Variants in CAMK2A observed in about 807,000 individuals in gnomAD.
CAMK2A encodes calcium/calmodulin-dependent protein kinase type II subunit alpha.
Under a neutral mutation model 79.2 loss-of-function variants are expected in CAMK2A, and 7 were observed. The observed-to-expected ratio is 0.09, with a 90% CI of 0.05 to 0.17. The LOEUF (loss-of-function observed/expected upper bound fraction) is 0.17, where lower values mean the gene tolerates loss of function less well. Ranked by LOEUF, CAMK2A falls within the 10% of genes least tolerant of loss-of-function variation. The pLI, the probability that CAMK2A is intolerant of heterozygous loss-of-function variation, is 1.00. For missense variants in CAMK2A, 214 were observed against 646.4 expected (o/e 0.33, Z 7.25); for synonymous variants, 242 against 251.7 (o/e 0.96, Z 0.36).
intron 1 of CAMK2A, among the ~76,000 whole-genome samples, chr5:150,276,525 G>T (rs568164769): frequency 3.2e-4 from 48 of 152,304 alleles, no homozygotes; most frequent in Non-Finnish European, 5.6e-4. Flanking sequence ...TCTCAAAGGT[G>T]CCCACCCTAC....
At chr5:150,268,496 G>A (rs951085366) in intron 2 of CAMK2A, among the ~76,000 whole-genome samples, 8 of 152,180 alleles carry the variant, frequency 5.3e-5, no homozygotes, top group South Asian at 4.2e-4. Context: ...GCCACATCAC[G>A]TCCCCATACC....
chr5:150,280,289 C>T (rs1257806097), intron 1 of CAMK2A, among the ~76,000 whole-genome samples: 7 of 152,192 alleles, frequency 4.6e-5, no homozygotes, highest in Admixed American at 4.6e-4. Flanking sequence ...CACTTCCCTC[C>T]ACTCTGTTCT....
At chr5:150,267,737 T>C (rs568389031) in intron 2 of CAMK2A, among the ~76,000 whole-genome samples, 14 of 152,246 alleles carry the variant, frequency 9.2e-5, no homozygotes, top group African/African-American at 3.4e-4. Flanking sequence ...TTCTGTTATA[T>C]AGGTGGAGAA....
chr5:150,238,843 T>C lies in CAMK2A; in HGVS notation c.1018-95A>G, dbSNP rs1180815174. On this transcript the variant is annotated intron_variant, in intron 14 of 18. Coordinates refer to ENST00000671881, the MANE Select transcript of CAMK2A (RefSeq NM_015981.4). Reference sequence around the variant, plus strand: ...TGCCTGGTGACGCGGCTGGTTTCTGTGAGCCTCACAGGCTCTGCCTTCCAG... The same window carrying C: ...TGCCTGGTGACGCGGCTGGTTTCTGCGAGCCTCACAGGCTCTGCCTTCCAG... 1.8e-5 allele frequency: 19 copies of C among 1,067,588 alleles called. No homozygotes were observed. In the Admixed American group the frequency reaches 4.8e-4, roughly 27 times the overall value. The allele number at this position is 1,067,588 out of a possible 1,614,324, so 66.1% of individuals were successfully genotyped here. A position where few individuals can be genotyped will look rare whatever the true frequency, so the allele number is the denominator to read the frequency against.
chr5:150,237,026 G>C (rs1755102142), intron 15 of CAMK2A, among the ~76,000 whole-genome samples: 1 of 152,066 alleles, frequency 6.6e-6, no homozygotes, highest in Non-Finnish European at 1.5e-5. Flanking sequence ...AGTAGTTCAA[G>C]ATAATGTATT....
intron 2 of CAMK2A, among the ~76,000 whole-genome samples, chr5:150,269,910 AT>A (rs536481539): frequency 3.1e-4 from 47 of 152,226 alleles, no homozygotes; most frequent in African/African-American, 1.1e-3. Context: ...TGCAGGCTGG[AT>A]GAGCTTGTCA....
At chr5:150,252,416 T>C (rs530356208) in intron 7 of CAMK2A, among the ~76,000 whole-genome samples, 2 of 152,312 alleles carry the variant, frequency 1.3e-5, no homozygotes, top group South Asian at 4.1e-4. Flanking sequence ...AGTGATCCAT[T>C]GCTGGTGGCT....
intron 2 of CAMK2A, among the ~76,000 whole-genome samples, chr5:150,267,881 T>A (rs893619542): frequency 1.3e-5 from 2 of 151,002 alleles, no homozygotes; most frequent in Admixed American, 1.3e-4. Context: ...GAGCTTTTTT[T>A]TTTTTTTTTT....
chr5:150,266,133 T>A (rs529759990), intron 2 of CAMK2A, among the ~76,000 whole-genome samples: 1 of 151,984 alleles, frequency 6.6e-6, no homozygotes, highest in Non-Finnish European at 1.5e-5. Flanking sequence ...CACCCAGAGC[T>A]CTCCCTCCTG....
At chr5:150,239,586 A>G in intron 14 of CAMK2A, 118 bp downstream of exon 14, 1 of 879,768 alleles carries the variant, frequency 1.1e-6, no homozygotes, top group South Asian at 1.3e-5. Flanking sequence ...ACACGTACCA[A>G]GCACGCCCTG....
rs1754691731 is a variant in CAMK2A at position 150,228,273 on chromosome 5, G to A, written c.1156C>T (p.Pro386Ser). ...TCAGGTTCGAAGGCTGTCATGCCAG[G>A]GTCGCACATCTTCCTGGGGGAAAGA... ...DFESYTKMCD[P>S]GMTAFEPEAL... Residue 386 changes from proline (P) to serine (S), a missense_variant, in exon 17 of 19, where the codon CCT becomes TCT. Transcript: ENST00000671881. 6.2e-7 allele frequency: 1 copy of A among 1,613,726 alleles called. No individual in the cohort carries two copies. The highest frequency in any genetic ancestry group is 1.7e-5 in the Admixed American group (1 of 59,972).
chr5:150,285,343 G>C (rs528974014), intron 1 of CAMK2A, among the ~76,000 whole-genome samples: 2 of 152,312 alleles, frequency 1.3e-5, no homozygotes, highest in East Asian at 3.9e-4. Context: ...GCCCCAAAGT[G>C]CTGTGGATAG....
chr5:150,222,876 C>A, intron 18 of CAMK2A, 113 bp downstream of exon 18: 2 of 1,390,366 alleles, frequency 1.4e-6, no homozygotes, highest in Non-Finnish European at 2.0e-6. Context: ...TCTCCCCACC[C>A]CACTCTGCAG....
chr5:150,271,931 T>C (rs1244994827), intron 2 of CAMK2A, among the ~76,000 whole-genome samples: 2 of 152,222 alleles, frequency 1.3e-5, no homozygotes, highest in African/African-American at 4.8e-5. Flanking sequence ...CTAGGGATGC[T>C]GATGTCGCTG....
chr5:150,240,172 A>G (rs903859209), intron 13 of CAMK2A, among the ~76,000 whole-genome samples: 25 of 152,188 alleles, frequency 1.6e-4, no homozygotes, highest in African/African-American at 5.5e-4. Context: ...CTCCCCGTGC[A>G]TCTCGGCTAG....
chr5:150,277,663 A>C (rs1245638311), intron 1 of CAMK2A, among the ~76,000 whole-genome samples: 3 of 152,196 alleles, frequency 2.0e-5, no homozygotes, highest in Non-Finnish European at 4.4e-5. Flanking sequence ...CAATGTAAGC[A>C]AGTGCATTTT....
chr5:150,240,540 A>G (rs1755291581), intron 13 of CAMK2A, among the ~76,000 whole-genome samples: 1 of 152,186 alleles, frequency 6.6e-6, no homozygotes, highest in African/African-American at 2.4e-5. Context: ...CATCCCCTGT[A>G]TTGGCTACGG....
At chr5:150,282,219 C>T (rs1383047534) in intron 1 of CAMK2A, among the ~76,000 whole-genome samples, 1 of 152,136 alleles carries the variant, frequency 6.6e-6, no homozygotes, top group Non-Finnish European at 1.5e-5. Flanking sequence ...CTGCCCCCCG[C>T]CCCCAAACAC....
chr5:150,268,099 C>T (rs912023754), intron 2 of CAMK2A, among the ~76,000 whole-genome samples: 9 of 152,066 alleles, frequency 5.9e-5, no homozygotes, highest in African/African-American at 1.7e-4. Flanking sequence ...AGGCTGGTCT[C>T]GAACTCCTGA....
Sources: gnomAD v4.1 joint callset for allele counts (sites outside exome capture counted in the v4.1 genomes callset) on GRCh38, gnomAD v4.1.1 for gene constraint, MANE v1.5 for transcripts, NCBI Gene and HGNC (gene_info 2026-07-23, HGNC 2026-07-21) for gene names.